The following CPO variants were observed in gnomAD, a reference collection of about 807,000 sequenced individuals.
CPO encodes the protein metallocarboxypeptidase C.
CPO carries 43 observed loss-of-function variants against 41.2 expected under a neutral mutation model. The observed-to-expected ratio is 1.04, with a 90% confidence interval of 0.82 to 1.35. The LOEUF is 1.35. CPO is among the 40% of genes most tolerant of loss of function. The pLI, the probability that CPO is intolerant of heterozygous loss-of-function variation, is 0.00. For missense variants in CPO, 408 were observed against 451.7 expected (o/e 0.90, Z 0.88); for synonymous variants, 178 against 162.7 (o/e 1.09, Z -0.72).
chr2:206,959,527 G>A (rs1693439461), intron 4 of CPO, 104 bp from the exon 5 acceptor site: 2 of 636,546 alleles, frequency 3.1e-6, no homozygotes, highest in South Asian at 1.9e-5. Flanking sequence ...GGAGGGTGGA[G>A]GTGTGATGTA....
intron 2 of CPO, among the ~76,000 whole-genome samples, chr2:206,951,440 A>G (rs1693261907): frequency 6.6e-6 from 1 of 152,244 alleles, no homozygotes; most frequent in Non-Finnish European, 1.5e-5. Context: ...GTCAAAGAAT[A>G]CACATGTCTA....
chr2:206,951,964 A>T (rs982098091), intron 2 of CPO, among the ~76,000 whole-genome samples: 1 of 152,242 alleles, frequency 6.6e-6, no homozygotes, highest in African/African-American at 2.4e-5. Context: ...GTAAGCTGTT[A>T]TTCTTTTCAG....
chr2:206,955,698 G>C (rs1693345813), intron 3 of CPO, 134 bp downstream of exon 3: 2 of 645,520 alleles, frequency 3.1e-6, no homozygotes, highest in East Asian at 5.4e-5. Context: ...ACCCCAAATG[G>C]GGCTCTTAAA....
intron 7 of CPO, among the ~76,000 whole-genome samples, chr2:206,966,047 C>T (rs527883658): frequency 2.0e-5 from 3 of 152,006 alleles, no homozygotes; most frequent in Admixed American, 6.6e-5. Flanking sequence ...TCTCTGCTTC[C>T]GCATAGTAAT....
intron 3 of CPO, among the ~76,000 whole-genome samples, chr2:206,956,122 A>G (rs1574351932): frequency 1.3e-5 from 2 of 152,220 alleles, no homozygotes; most frequent in East Asian, 1.9e-4. Flanking sequence ...CAACATGACC[A>G]AAAGTATTTG....
At chr2:206,960,102 G>A (rs990619700) in intron 5 of CPO, among the ~76,000 whole-genome samples, 1 of 152,128 alleles carries the variant, frequency 6.6e-6, no homozygotes, top group African/African-American at 2.4e-5. Context: ...GAAGCATGAA[G>A]GCAATGAATA....
In CPO at chr2:206,958,399, C is replaced by T. The variant is rs372265553; in HGVS notation, c.366C>T (p.Val122=). The T allele has an allele frequency of 2.2e-5, 35 of 1,569,546 alleles. No homozygotes were observed. The highest frequency in any genetic ancestry group is 3.1e-5 in the Non-Finnish European group (35 of 1,144,776). ...WIAPAFCQWF[V]KEILQNHKDN... is the part of the protein sequence containing the mutation. ...CTCCTGCTTTTTGCCAATGGTTCGT[C>T]AAAGAAGTAAGTGTCTTTAGCTTTC... The change falls in exon 4 of 9, where the codon GTC becomes GTT. Residue 122 remains valine, a synonymous_variant. Transcript: ENST00000272852.
rs188543627 is a variant in CPO, at chr2:206,953,399, C to T, written c.166-2064C>T. Among the ~76,000 whole-genome samples, 1,316 of 152,338 alleles carry T rather than the reference C, an allele frequency of 8.6e-3. 13 individuals carry two copies. The highest frequency in any genetic ancestry group is 0.01 in the Non-Finnish European group (706 of 68,018). On this transcript the variant is annotated intron_variant, in intron 2 of 8. Coordinates refer to ENST00000272852, the MANE Select transcript of CPO (RefSeq NM_173077.3). ...GGCTAAAACAAAGGGGCCACAGGCC[C>T]CAAGCAAGTCCGAAATCCAATAGAG...
chr2:206,948,532 G>A (rs1693189524), intron 1 of CPO, among the ~76,000 whole-genome samples: 1 of 152,180 alleles, frequency 6.6e-6, no homozygotes, highest in Admixed American at 6.5e-5. Context: ...AGGAGGCTGA[G>A]GCAGGAGGAT....
At position 206,958,403 on chromosome 2, in the gene CPO, G is replaced by T; in HGVS notation, c.370G>T (p.Glu124Ter). ...TGCTTTTTGCCAATGGTTCGTCAAAGAAGTAAGTGTCTTTAGCTTTCTCAT... is the reference window on the plus strand; with the variant it reads ...TGCTTTTTGCCAATGGTTCGTCAAATAAGTAAGTGTCTTTAGCTTTCTCAT... The part of the protein sequence containing the change: ...APAFCQWFVK[E>*]ILQNHKDNSS... Residue 124 changes from glutamate (E) to a stop codon, truncating the protein, a stop_gained and splice_region_variant, in exon 4 of 9, where the codon GAA (glutamate) becomes TAA (stop). Coordinates refer to ENST00000272852, the MANE Select transcript of CPO (RefSeq NM_173077.3). LOFTEE classifies it high-confidence loss of function. 1 of 1,553,314 alleles carries T rather than the reference G, an allele frequency of 6.4e-7. No homozygotes were observed. Among genetic ancestry groups the T allele is most frequent in the Non-Finnish European group, 8.8e-7 (1 of 1,130,288 alleles).
At chr2:206,952,647 C>T (rs1232555289) in intron 2 of CPO, among the ~76,000 whole-genome samples, 1 of 152,162 alleles carries the variant, frequency 6.6e-6, no homozygotes, top group Non-Finnish European at 1.5e-5. Context: ...TTCAGGTCTA[C>T]TCAATTGAAT....
intron 1 of CPO, among the ~76,000 whole-genome samples, chr2:206,947,348 A>G (rs536076022): frequency 2.4e-4 from 36 of 152,294 alleles, no homozygotes; most frequent in Non-Finnish European, 4.3e-4. Context: ...TAGACATCCA[A>G]ATGCAAAATA....
intron 1 of CPO, among the ~76,000 whole-genome samples, chr2:206,945,054 A>G (rs2359859): frequency 0.7 from 107,001 of 151,948 alleles, 38,312 homozygotes; most frequent in Middle Eastern, 0.82. Context: ...AATTGACTAT[A>G]TGTCAGAAAT....
intron 2 of CPO, among the ~76,000 whole-genome samples, chr2:206,950,172 A>G (rs1040583555): frequency 2.0e-5 from 3 of 152,206 alleles, no homozygotes; most frequent in African/African-American, 4.8e-5. Flanking sequence ...AAACTTTTTA[A>G]AATTTTTATA....
chr2:206,965,746 C>T lies in CPO; in HGVS notation c.778-2517C>T, dbSNP rs369201619. ...TGGGCCCAGAGAAGGAGTTGTTAAGCGGGCCGGAGGTTTTTACAAATGTGT... is the reference window on the plus strand; with the variant it reads ...TGGGCCCAGAGAAGGAGTTGTTAAGTGGGCCGGAGGTTTTTACAAATGTGT... On this transcript the variant is annotated intron_variant, in intron 7 of 8. Coordinates refer to ENST00000272852, the MANE Select transcript of CPO (RefSeq NM_173077.3). 2.3e-4 allele frequency among the ~76,000 whole-genome samples: 35 copies of T among 152,056 alleles called. 1 individual carries two copies. The highest frequency in any genetic ancestry group is 8.3e-4 in the South Asian group (4 of 4,804).
intron 3 of CPO, among the ~76,000 whole-genome samples, chr2:206,956,910 CCTGATTTT>C (rs1325856974): frequency 6.6e-6 from 1 of 152,140 alleles, no homozygotes; most frequent in Admixed American, 6.5e-5. Context: ...CACCTGCCTA[CCTGATTTT>C]CCATAGGCAA....
chr2:206,945,672 A>G (rs1693129017), intron 1 of CPO, among the ~76,000 whole-genome samples: 1 of 152,210 alleles, frequency 6.6e-6, no homozygotes. Flanking sequence ...TGTGAGCACA[A>G]TATCTGGCAA....
Position 206,960,235 on chromosome 2 carries a change from A to C in CPO, c.483+494A>C, listed in dbSNP as rs150631138. Reference sequence around the variant, plus strand: ...CTTTAAAATGTTCCTAAAGCCTATCACTCTTCAAATAAGAGCCCCTATTTC... The same window carrying C: ...CTTTAAAATGTTCCTAAAGCCTATCCCTCTTCAAATAAGAGCCCCTATTTC... On this transcript the variant is annotated intron_variant, in intron 5 of 8. Transcript: ENST00000272852. Among the ~76,000 whole-genome samples the C allele has an allele frequency of 6.9e-3, 1,047 of 152,204 alleles. 17 individuals carry two copies. Among genetic ancestry groups the C allele is most frequent in the African/African-American group, 0.024 (997 of 41,528 alleles).
chr2:206,957,625 A>C (rs1045432656), intron 3 of CPO, among the ~76,000 whole-genome samples: 3 of 152,178 alleles, frequency 2.0e-5, no homozygotes, highest in Non-Finnish European at 4.4e-5. Context: ...TGTTCCAAGC[A>C]TGGGAGTGTT....
Sources: allele counts gnomAD v4.1 joint callset (sites outside exome capture counted in the v4.1 genomes callset), GRCh38; gene constraint gnomAD v4.1.1; transcripts MANE v1.5; gene names NCBI Gene and HGNC (gene_info 2026-07-23, HGNC 2026-07-21).